Variants in PCSK6 observed in about 807,000 individuals in gnomAD.
PCSK6 encodes proprotein convertase subtilisin/kexin type 6.
A neutral mutation model predicts 123.3 loss-of-function variants in PCSK6; 85 were observed. The observed-to-expected ratio is 0.69, with a 90% confidence interval of 0.58 to 0.83. PCSK6 has a LOEUF of 0.83. Ranked by LOEUF, PCSK6 falls within the 40% of genes least tolerant of loss-of-function variation. The pLI, the probability that PCSK6 is intolerant of heterozygous loss-of-function variation, is 0.00. For synonymous variants in PCSK6, 508 were observed against 516.0 expected (o/e 0.98, Z 0.21); for missense variants, 1,191 against 1,282.3 (o/e 0.93, Z 1.09).
At chr15:101,404,457 G>A (rs2042708620) in intron 6 of PCSK6, among the ~76,000 whole-genome samples, 1 of 152,150 alleles carries the variant, frequency 6.6e-6, no homozygotes. Flanking sequence ...GGGACACTGG[G>A]CCCAAGTGTC....
chr15:101,359,521 A>G (rs2041148661), intron 13 of PCSK6, among the ~76,000 whole-genome samples: 1 of 152,242 alleles, frequency 6.6e-6, no homozygotes, highest in South Asian at 2.1e-4. Context: ...TTGGGCACCT[A>G]TCATACACCA....
intron 2 of PCSK6, among the ~76,000 whole-genome samples, chr15:101,433,379 C>G (rs867085491): frequency 1.3e-5 from 2 of 152,146 alleles, no homozygotes; most frequent in East Asian, 1.9e-4. Flanking sequence ...CTTCTTGGAC[C>G]CTGAGTGGGA....
chr15:101,393,453 C>T lies in PCSK6; in HGVS notation c.997-29G>A, dbSNP rs2277588. ...GAGGGACAAGAGGAACAAGGCTTAG[C>T]CCCGCAGCAGAACCTCGTAGGGTGG... On this transcript the variant is annotated intron_variant, in intron 7 of 21. Transcript: ENST00000611716. The T allele has an allele frequency of 6.1e-4, 967 of 1,579,852 alleles. 12 individuals are homozygous for T. In the East Asian group the frequency reaches 0.019, roughly 32 times the overall value.
At chr15:101,348,560 A>G (rs540751716) in intron 13 of PCSK6, among the ~76,000 whole-genome samples, 1 of 152,346 alleles carries the variant, frequency 6.6e-6, no homozygotes, top group Non-Finnish European at 1.5e-5. Flanking sequence ...AATTGGCTTC[A>G]AGGAAGCTCA....
chr15:101,468,293 A>G (rs1274970571), intron 1 of PCSK6, among the ~76,000 whole-genome samples: 1 of 152,150 alleles, frequency 6.6e-6, no homozygotes. Flanking sequence ...CACCATCATC[A>G]TCATCGTCAC....
chr15:101,395,755 G>C (rs1248095887), intron 7 of PCSK6, among the ~76,000 whole-genome samples: 1 of 152,210 alleles, frequency 6.6e-6, no homozygotes, highest in Admixed American at 6.5e-5. Flanking sequence ...TGGGGAGGGA[G>C]AGTTCATTTC....
At chr15:101,464,232 A>C (rs1008442573) in intron 1 of PCSK6, among the ~76,000 whole-genome samples, 1 of 152,136 alleles carries the variant, frequency 6.6e-6, no homozygotes, top group Non-Finnish European at 1.5e-5. Context: ...CTGGGCCCAT[A>C]AAACAAGGCA....
chr15:101,416,584 C>A (rs2055895498), intron 6 of PCSK6, among the ~76,000 whole-genome samples: 1 of 152,220 alleles, frequency 6.6e-6, no homozygotes, highest in African/African-American at 2.4e-5. Context: ...ATGTCAGAGA[C>A]CTTCACAGCA....
At chr15:101,394,147 T>TG (rs1345805955) in intron 7 of PCSK6, among the ~76,000 whole-genome samples, 4 of 150,058 alleles carry the variant, frequency 2.7e-5, no homozygotes, top group African/African-American at 7.4e-5. Context: ...GTTTTTTGTT[T>TG]TTTTTTTTTT....
rs35083182 is a variant in PCSK6, at chr15:101,342,129, C to CAAAAAAAAAA, written c.1859-10108_1859-10099dup. The stretch of plus-strand genomic sequence containing the variant: ...TGGGAAACAGAGTAAGACCCTGTCT[C>CAAAAAAAAAA]AAAAAAAAAAAAAAAAAAAAAAAAG... On this transcript the variant is annotated intron_variant, in intron 13 of 21. Transcript: ENST00000611716. Among the ~76,000 whole-genome samples the CAAAAAAAAAA allele has an allele frequency of 5.0e-3, 255 of 51,498 alleles. 17 individuals carry two copies. Among genetic ancestry groups the CAAAAAAAAAA allele is most frequent in the Middle Eastern group, 0.014 (1 of 70 alleles). 33.8% of individuals were successfully genotyped at this position (51,498 alleles called of 152,430 possible). A position where few individuals can be genotyped will look rare whatever the true frequency, so the allele number is the denominator to read the frequency against.
intron 7 of PCSK6, 144 bp from the exon 8 acceptor site, chr15:101,393,568 G>A: frequency 1.6e-6 from 1 of 627,392 alleles, no homozygotes; most frequent in Non-Finnish European, 2.7e-6. Context: ...GCTGCTGAGA[G>A]CATGGTTTTG....
At chr15:101,483,221 C>T (rs939431851) in intron 1 of PCSK6, among the ~76,000 whole-genome samples, 2 of 152,210 alleles carry the variant, frequency 1.3e-5, no homozygotes, top group South Asian at 2.1e-4. Flanking sequence ...AAACCCCTGA[C>T]GCTGTGGCTG....
chr15:101,374,376 C>T (rs755748038), intron 11 of PCSK6, among the ~76,000 whole-genome samples: 13 of 152,316 alleles, frequency 8.5e-5, no homozygotes, highest in Non-Finnish European at 1.5e-4. Flanking sequence ...AGACGGGCCA[C>T]AGGCTGAAAC....
chr15:101,314,576 C>T (rs1428351757), intron 19 of PCSK6, among the ~76,000 whole-genome samples: 2 of 152,194 alleles, frequency 1.3e-5, no homozygotes, highest in African/African-American at 4.8e-5. Context: ...GCAGAGGTTC[C>T]GGAGCCTGGA....
At position 101,470,498 on chromosome 15, in the gene PCSK6, T is replaced by C. The variant is rs529155487; in HGVS notation, c.297+18876A>G. On this transcript the variant is annotated intron_variant, in intron 1 of 21. Transcript: ENST00000611716. ...TCACATCTTCCTCTTGGTACTAAGA[T>C]TCTCTTCTCATTTTACCATTTTTCC... is the stretch of plus-strand genomic sequence containing the variant. Among the ~76,000 whole-genome samples the C allele has an allele frequency of 2.0e-4, 30 of 152,314 alleles. No individual in the cohort carries two copies. The East Asian group carries it at 5.6e-3, about 28-fold the overall frequency.
chr15:101,354,173 A>T (rs1318209683), intron 13 of PCSK6, among the ~76,000 whole-genome samples: 1 of 152,182 alleles, frequency 6.6e-6, no homozygotes, highest in African/African-American at 2.4e-5. Context: ...ACACACATAC[A>T]CACACCCACA....
At chr15:101,439,628 G>C (rs2056702022) in intron 2 of PCSK6, among the ~76,000 whole-genome samples, 1 of 152,202 alleles carries the variant, frequency 6.6e-6, no homozygotes, top group Admixed American at 6.5e-5. Context: ...CTTTCTGTTT[G>C]TTTGCACTTT....
chr15:101,428,385 G>T (rs1458081280), intron 5 of PCSK6, among the ~76,000 whole-genome samples: 1 of 152,170 alleles, frequency 6.6e-6, no homozygotes, highest in African/African-American at 2.4e-5. Context: ...CTGGCAGCAG[G>T]GACACCTGCT....
In PCSK6 at chr15:101,305,028, CG is replaced by C. The variant is rs1203564294; in HGVS notation, c.*229del. On this transcript the variant is annotated 3_prime_UTR_variant, in exon 22 of 22. Transcript: ENST00000611716. This position sits in a 1 kb window ranked among gnomAD's most constrained non-coding sequence, Gnocchi z 4.8. Reference sequence around the variant, plus strand: ...ATTCATTTTGTTCCTGTTAGTTTGTCGGAAGACTGGAGCCAACAAGCAGCAT... The same window carrying C: ...ATTCATTTTGTTCCTGTTAGTTTGTCGAAGACTGGAGCCAACAAGCAGCAT... The C allele has an allele frequency of 5.7e-6, 3 of 521,980 alleles. No homozygotes were observed. The highest frequency in any genetic ancestry group is 1.0e-5 in the Non-Finnish European group (3 of 292,366). 32.3% of individuals were successfully genotyped at this position (521,980 alleles called of 1,614,324 possible).
Sources: gnomAD v4.1 joint callset for allele counts (sites outside exome capture counted in the v4.1 genomes callset) on GRCh38, gnomAD v4.1.1 for gene constraint, Gnocchi (gnomAD v3.1) non-coding constraint, MANE v1.5 for transcripts, NCBI Gene and HGNC (gene_info 2026-07-23, HGNC 2026-07-21) for gene names.